SI: variants seen among roughly 807,000 people sequenced by gnomAD.
SI encodes sucrase-isomaltase, also known as sucrase-isomaltase, intestinal.
SI carries 235 observed loss-of-function variants against 253.3 expected under a neutral mutation model. The ratio of observed to expected loss-of-function variants is 0.93; its 90% confidence interval spans 0.83 to 1.03. SI has a LOEUF of 1.03. SI is among the 50% of genes least tolerant of loss of function. The pLI is 0.00. For missense variants in SI, 2,442 were observed against 2,211.1 expected (o/e 1.10, Z -2.09); for synonymous variants, 819 against 712.0 (o/e 1.15, Z -2.39).
intron 47 of SI, among the ~76,000 whole-genome samples, chr3:164,981,511 CAA>C (rs1197619806): frequency 6.6e-6 from 1 of 152,036 alleles, no homozygotes; most frequent in East Asian, 1.9e-4. Flanking sequence ...TGTTTTTATC[CAA>C]GTTTAAACGA....
intron 6 of SI, among the ~76,000 whole-genome samples, chr3:165,066,261 G>A (rs1333583648): frequency 1.3e-5 from 2 of 151,762 alleles, no homozygotes; most frequent in East Asian, 3.9e-4. Flanking sequence ...TTTATATAAG[G>A]AACTTGAGCA....
chr3:165,003,987 A>G (rs1401662148), intron 37 of SI, among the ~76,000 whole-genome samples: 3 of 152,116 alleles, frequency 2.0e-5, no homozygotes, highest in African/African-American at 7.2e-5. Flanking sequence ...AAACACTCCA[A>G]TCAAAAGACG....
chr3:165,049,228 G>C lies in SI; in HGVS notation c.1614C>G (p.Leu538=), dbSNP rs200413070. The change falls in exon 15 of 48, where the codon CTC becomes CTG. Residue 538 remains leucine (L), a synonymous_variant. Coordinates refer to ENST00000264382, the MANE Select transcript of SI (RefSeq NM_001041.4). ...PPFTPDILDK[L]MYSKTICMDA... Reference sequence around the variant, plus strand: ...CCATGCAAATTGTTTTGGAATACATGAGTTTGTCAAGAATATCTTTGAGAA... The same window carrying C: ...CCATGCAAATTGTTTTGGAATACATCAGTTTGTCAAGAATATCTTTGAGAA... 6.3e-7 allele frequency: 1 copy of C among 1,598,266 alleles called. No individual in the cohort carries two copies. Among genetic ancestry groups the C allele is most frequent in the Non-Finnish European group, 8.6e-7 (1 of 1,166,388 alleles).
chr3:164,992,071 C>G, intron 43 of SI, 106 bp downstream of exon 43: 1 of 952,262 alleles, frequency 1.1e-6, no homozygotes, highest in Non-Finnish European at 1.7e-6. Context: ...ACTTTCCACT[C>G]TTTTTAAGTG....
rs1462735507 is a variant in SI, at chr3:165,075,996, A to C, written c.17T>G (p.Phe6Cys). ...AATCAGAGAGATTTCCAATCCACTA[A>C]ATTTCTTTCTTGCCATCTAAAAACA... MARKK[F>C]SGLEISLIVL... Residue 6 changes from phenylalanine (F) to cysteine (C), a missense_variant, in exon 2 of 48, where the codon TTT becomes TGT. Transcript: ENST00000264382. 1.1e-5 allele frequency: 17 copies of C among 1,586,002 alleles called. No homozygotes were observed. Among genetic ancestry groups the C allele is most frequent in the Non-Finnish European group, 1.4e-5 (16 of 1,159,860 alleles).
intron 3 of SI, among the ~76,000 whole-genome samples, chr3:165,071,659 T>A (rs1714585085): frequency 1.3e-5 from 2 of 152,036 alleles, no homozygotes; most frequent in Admixed American, 1.3e-4. Flanking sequence ...TAAGTTTAAA[T>A]AAGGATATAA....
intron 47 of SI, among the ~76,000 whole-genome samples, chr3:164,979,686 C>T (rs1717087995): frequency 6.6e-6 from 1 of 151,776 alleles, no homozygotes; most frequent in Non-Finnish European, 1.5e-5. Flanking sequence ...ACCCAAAACT[C>T]TCAGCCAATT....
chr3:165,047,408 C>T (rs1167518409), intron 15 of SI, among the ~76,000 whole-genome samples: 2 of 152,098 alleles, frequency 1.3e-5, no homozygotes, highest in African/African-American at 2.4e-5. Context: ...CAATAAACCT[C>T]CTTCTTTAGT....
intron 44 of SI, among the ~76,000 whole-genome samples, chr3:164,991,109 T>TC (rs1717713235): frequency 6.6e-6 from 1 of 152,074 alleles, no homozygotes; most frequent in Admixed American, 6.6e-5. Context: ...TCTGCCTGGG[T>TC]CGCTCCATGT....
At position 164,979,309 on chromosome 3, in the gene SI, A is replaced by C; in HGVS notation, c.*53T>G. ...AAGAGGGAAAATTGTAAGTGCTGTG[A>C]AACTTAAATCCTGGTGTTTTTTCCC... On this transcript the variant is annotated 3_prime_UTR_variant, in exon 48 of 48. Coordinates refer to ENST00000264382, the MANE Select transcript of SI (RefSeq NM_001041.4). The C allele has an allele frequency of 9.5e-7, 1 of 1,050,912 alleles. No individual in the cohort carries two copies. The highest frequency in any genetic ancestry group is 2.4e-5 in the East Asian group (1 of 42,158). 65.1% of individuals were successfully genotyped at this position (1,050,912 alleles called of 1,614,324 possible).
chr3:165,087,317 C>A, the SI span, among the ~76,000 whole-genome samples: 1 of 151,962 alleles, frequency 6.6e-6, no homozygotes, highest in Non-Finnish European at 1.5e-5. Context: ...GAACAGAGAA[C>A]GACACCCTTA....
rs553823232 is a variant in SI, at chr3:164,988,002, A to G, written c.5109-776T>C. On this transcript the variant is annotated intron_variant, in intron 44 of 47. Transcript: ENST00000264382. Reference sequence around the variant, plus strand: ...ATAAGAATGTATAAAGTAGCCTCCAAGTTCTAAGTTCTATCTCTGTAATAG... The same window carrying G: ...ATAAGAATGTATAAAGTAGCCTCCAGGTTCTAAGTTCTATCTCTGTAATAG... 2.6e-5 allele frequency among the ~76,000 whole-genome samples: 4 copies of G among 152,284 alleles called. 1 individual carries two copies. In the East Asian group the frequency reaches 5.8e-4, roughly 22 times the overall value.
intron 31 of SI, among the ~76,000 whole-genome samples, chr3:165,016,602 A>G (rs1342015805): frequency 6.6e-6 from 1 of 152,020 alleles, no homozygotes; most frequent in Admixed American, 6.6e-5. Flanking sequence ...CACTTTTAGG[A>G]TAACAGCCCT....
At chr3:165,029,550 G>A (rs1195035023) in intron 25 of SI, among the ~76,000 whole-genome samples, 1 of 112,242 alleles carries the variant, frequency 8.9e-6, no homozygotes, top group African/African-American at 2.6e-5. Flanking sequence ...CAATCAATGA[G>A]TGGATAAAAA....
chr3:165,054,433 A>C (rs1170252036), intron 13 of SI, among the ~76,000 whole-genome samples: 1 of 151,986 alleles, frequency 6.6e-6, no homozygotes, highest in East Asian at 1.9e-4. Context: ...ATGCAGTGGC[A>C]CCATCTTGGC....
chr3:165,053,285 T>C (rs1401430670), intron 13 of SI, among the ~76,000 whole-genome samples: 1 of 152,110 alleles, frequency 6.6e-6, no homozygotes, highest in Non-Finnish European at 1.5e-5. Context: ...AAACCTAAAA[T>C]TCACAAATAT....
At chr3:165,030,143 G>T (rs1011233590) in intron 25 of SI, among the ~76,000 whole-genome samples, 1 of 149,820 alleles carries the variant, frequency 6.7e-6, no homozygotes, top group East Asian at 1.9e-4. Flanking sequence ...ATGATGTAAT[G>T]AAAAGCCCAG....
chr3:165,081,818 G>A (rs1395575557), upstream of SI, among the ~76,000 whole-genome samples: 1 of 151,772 alleles, frequency 6.6e-6, no homozygotes, highest in South Asian at 2.1e-4. Context: ...AAAAAGGGAA[G>A]CCAAGGTTCC....
chr3:165,032,577 T>C lies in SI; in HGVS notation c.2681A>G (p.Glu894Gly), dbSNP rs756233137. ...ATGAGCGTTCATTGGTTGATTATTT[T>C]CCGCCACTCTAACTTCTGTAACACT... ...TDSVTEVRVA[E>G]NNQPMNAHSN... is the part of the protein sequence containing the mutation. The change falls in exon 24 of 48, where the codon GAA becomes GGA. Residue 894 changes from glutamate (E) to glycine (G), a missense_variant. Transcript: ENST00000264382. 30 of 1,609,666 alleles carry C rather than the reference T, an allele frequency of 1.9e-5. No individual in the cohort carries two copies. Among genetic ancestry groups the C allele is most frequent in the Non-Finnish European group, 2.5e-5 (29 of 1,177,234 alleles).
Sources: allele counts gnomAD v4.1 joint callset (sites outside exome capture counted in the v4.1 genomes callset), GRCh38; gene constraint gnomAD v4.1.1; transcripts MANE v1.5; gene names NCBI Gene and HGNC (gene_info 2026-07-23, HGNC 2026-07-21).